Variants in ITSN1 observed in about 807,000 individuals in gnomAD.
The protein encoded by ITSN1 is intersectin-1.
ITSN1 carries 58 observed loss-of-function variants against 239.8 expected under a neutral mutation model. The observed-to-expected ratio is 0.24, with a 90% CI of 0.20 to 0.30. The LOEUF (loss-of-function observed/expected upper bound fraction) is 0.30. ITSN1 is among the 10% of genes least tolerant of loss of function. The pLI, the probability that ITSN1 is intolerant of heterozygous loss-of-function variation, is 1.00. For synonymous variants in ITSN1, 780 were observed against 770.8 expected (o/e 1.01, Z -0.20); for missense variants, 1,558 against 2,103.3 (o/e 0.74, Z 5.07).
Position 33,865,166 on chromosome 21 carries a change from CAAG to C in ITSN1, c.3911_3913del (p.Lys1304del). ...TTCCGTGCAGAGCGCTGAGAGTCCG[CAAG>C]AAGATGTCCGGGGAGAAGATGCCTG... On this transcript the variant is annotated inframe_deletion, in exon 32 of 40. Coordinates refer to ENST00000381318, the MANE Select transcript of ITSN1 (RefSeq NM_003024.3). This position sits in a 1 kb window ranked among gnomAD's most constrained non-coding sequence, Gnocchi z 4.4. The C allele has an allele frequency of 6.2e-7, 1 of 1,613,644 alleles. No individual in the cohort carries two copies. The highest frequency in any genetic ancestry group is 1.3e-5 in the African/African-American group (1 of 75,010).
chr21:33,761,826 A>G, intron 8 of ITSN1, 97 bp from the exon 9 acceptor site: 2 of 799,786 alleles, frequency 2.5e-6, no homozygotes, highest in South Asian at 3.1e-5. Context: ...TGATTGCATG[A>G]GGTCATGGAG....
intron 16 of ITSN1, among the ~76,000 whole-genome samples, chr21:33,786,653 T>C (rs2070703329): frequency 6.6e-6 from 1 of 152,200 alleles, no homozygotes; most frequent in African/African-American, 2.4e-5. Context: ...AAAGTACAGC[T>C]TGTAGTTTTC....
At chr21:33,742,373 A>G (rs1489914781) in intron 5 of ITSN1, among the ~76,000 whole-genome samples, 2 of 152,188 alleles carry the variant, frequency 1.3e-5, no homozygotes, top group African/African-American at 2.4e-5. Context: ...AAAATTTTAC[A>G]CAAGTAATAC....
chr21:33,740,768 A>G (rs1480964671), intron 5 of ITSN1, among the ~76,000 whole-genome samples: 2 of 152,178 alleles, frequency 1.3e-5, no homozygotes, highest in African/African-American at 4.8e-5. Context: ...TGCAGTGGCT[A>G]TTTAAAGCAC....
At chr21:33,669,922 A>G (rs2090163084) in intron 1 of ITSN1, among the ~76,000 whole-genome samples, 1 of 151,916 alleles carries the variant, frequency 6.6e-6, no homozygotes, top group Non-Finnish European at 1.5e-5. Context: ...ACCTGATTTA[A>G]TTGTGCACTA....
At chr21:33,653,562 G>T (rs189293092) in intron 1 of ITSN1, among the ~76,000 whole-genome samples, 1 of 151,444 alleles carries the variant, frequency 6.6e-6, no homozygotes, top group African/African-American at 2.4e-5. Context: ...TCGCTCTGTT[G>T]CCCAGGCTGG....
intron 7 of ITSN1, among the ~76,000 whole-genome samples, chr21:33,753,530 A>G (rs1358908311): frequency 2.0e-5 from 3 of 152,140 alleles, no homozygotes; most frequent in Admixed American, 2.0e-4. Context: ...TGGTAGGCCA[A>G]GGTGGGCAGA....
At chr21:33,674,390 A>T (rs2090474471) in intron 1 of ITSN1, among the ~76,000 whole-genome samples, 1 of 152,246 alleles carries the variant, frequency 6.6e-6, no homozygotes, top group Admixed American at 6.5e-5. Context: ...CAAATCTAGC[A>T]TGCATTCACT....
Position 33,686,129 on chromosome 21 carries a change from C to T in ITSN1, c.-32-32668C>T, listed in dbSNP as rs141079862. On this transcript the variant is annotated intron_variant, in intron 1 of 39. Coordinates refer to ENST00000381318, the MANE Select transcript of ITSN1 (RefSeq NM_003024.3). The stretch of plus-strand genomic sequence containing the variant: ...TGAGCTAGTTCAAGAATGTCATTAG[C>T]AGTGAATGGGAAATATGTGTCTACT... Among the ~76,000 whole-genome samples the T allele has an allele frequency of 2.2e-4, 33 of 152,232 alleles. 1 individual carries two copies. Among genetic ancestry groups the T allele is most frequent in the African/African-American group, 6.5e-4 (27 of 41,534 alleles).
chr21:33,646,749 A>G (rs2087990996), intron 1 of ITSN1, among the ~76,000 whole-genome samples: 1 of 152,242 alleles, frequency 6.6e-6, no homozygotes, highest in African/African-American at 2.4e-5. Flanking sequence ...TGGGGTGTAT[A>G]AAAATACCTA....
chr21:33,773,391 G>A (rs1013301174), intron 12 of ITSN1, among the ~76,000 whole-genome samples: 3 of 152,050 alleles, frequency 2.0e-5, no homozygotes, highest in African/African-American at 7.2e-5. Flanking sequence ...TAAATTTAGC[G>A]CCATACCTGG....
At chr21:33,813,675 GA>G (rs2073067800) in intron 21 of ITSN1, among the ~76,000 whole-genome samples, 1 of 152,078 alleles carries the variant, frequency 6.6e-6, no homozygotes, top group African/African-American at 2.4e-5. Flanking sequence ...TTTCACTGTA[GA>G]AAGCCACATT....
At chr21:33,729,798 G>A (rs1362001632) in intron 4 of ITSN1, among the ~76,000 whole-genome samples, 1 of 152,232 alleles carries the variant, frequency 6.6e-6, no homozygotes, top group African/African-American at 2.4e-5. Flanking sequence ...GGAACATAAA[G>A]TAGCCTGTAG....
chr21:33,864,819 A>T (rs1468059463), intron 31 of ITSN1, among the ~76,000 whole-genome samples: 1 of 152,170 alleles, frequency 6.6e-6, no homozygotes, highest in Non-Finnish European at 1.5e-5. Context: ...CTCAGGCCAC[A>T]TCAACCTGGG....
In ITSN1 at chr21:33,888,338, C is replaced by T. The variant is rs1242798128; in HGVS notation, c.*38C>T. Reference sequence around the variant, plus strand: ...GGGTGTGCTCAGCAGGGTCCCAGCCCACGGCCACACATGCTGTCTGGAAAT... The same window carrying T: ...GGGTGTGCTCAGCAGGGTCCCAGCCTACGGCCACACATGCTGTCTGGAAAT... On this transcript the variant is annotated 3_prime_UTR_variant, in exon 40 of 40. Transcript: ENST00000381318. 6.4e-7 allele frequency: 1 copy of T among 1,568,736 alleles called. No individual in the cohort carries two copies. The highest frequency in any genetic ancestry group is 1.2e-5 in the South Asian group (1 of 86,804).
chr21:33,703,089 G>C (rs999811829), intron 1 of ITSN1, among the ~76,000 whole-genome samples: 19 of 150,824 alleles, frequency 1.3e-4, no homozygotes, highest in African/African-American at 4.6e-4. Context: ...CTGTCTGTGT[G>C]TGTGTGTGTG....
At chr21:33,866,004 A>G (rs1981507406) in intron 32 of ITSN1, among the ~76,000 whole-genome samples, 1 of 152,204 alleles carries the variant, frequency 6.6e-6, no homozygotes. Context: ...TCCTGGAGAA[A>G]AAAAGGAGGA....
chr21:33,766,586 GAGATCTT>G (rs1165531082), intron 10 of ITSN1, among the ~76,000 whole-genome samples: 1 of 152,156 alleles, frequency 6.6e-6, no homozygotes, highest in Non-Finnish European at 1.5e-5. Flanking sequence ...AACTGAATAT[GAGATCTT>G]ACAAGTACAA....
At chr21:33,734,149 AAG>A (rs1376931834) in intron 4 of ITSN1, among the ~76,000 whole-genome samples, 1 of 152,220 alleles carries the variant, frequency 6.6e-6, no homozygotes, top group African/African-American at 2.4e-5. Context: ...TCTGGATTAA[AAG>A]AAATAAAATC....
Sources: gnomAD v4.1 joint callset for allele counts (sites outside exome capture counted in the v4.1 genomes callset) on GRCh38, gnomAD v4.1.1 for gene constraint, Gnocchi (gnomAD v3.1) non-coding constraint, MANE v1.5 for transcripts, NCBI Gene and HGNC (gene_info 2026-07-23, HGNC 2026-07-21) for gene names.